Variants in LSAMP observed in about 807,000 individuals in gnomAD.
The protein encoded by LSAMP is limbic system-associated membrane protein.
LSAMP carries 7 observed loss-of-function variants against 38.6 expected under a neutral mutation model. The ratio of observed to expected loss-of-function variants is 0.18; its 90% CI spans 0.10 to 0.34. LSAMP has a LOEUF of 0.34. Ranked by LOEUF, LSAMP falls within the 10% of genes least tolerant of loss-of-function variation. The pLI, the probability that LSAMP is intolerant of heterozygous loss-of-function variation, is 1.00. For synonymous variants in LSAMP, 154 were observed against 166.8 expected (o/e 0.92, Z 0.59); for missense variants, 313 against 420.0 (o/e 0.75, Z 2.23).
chr3:116,213,863 A>T (rs890251561), intron 1 of LSAMP, among the ~76,000 whole-genome samples: 3 of 152,208 alleles, frequency 2.0e-5, no homozygotes, highest in Non-Finnish European at 2.9e-5. Context: ...TCAAATTTAA[A>T]GAATCTGAAA....
intron 3 of LSAMP, among the ~76,000 whole-genome samples, chr3:115,854,879 C>T (rs1935458007): frequency 6.6e-6 from 1 of 152,070 alleles, no homozygotes; most frequent in Admixed American, 6.5e-5. Context: ...ACCTAGAATG[C>T]AGAGGTAGAA....
chr3:116,247,481 AT>A (rs1289690356), intron 1 of LSAMP, among the ~76,000 whole-genome samples: 5 of 152,244 alleles, frequency 3.3e-5, no homozygotes, highest in African/African-American at 9.6e-5. Context: ...GTCAAGAGGC[AT>A]TTTTGCCTAC....
At chr3:116,174,969 G>C (rs16824495) in intron 1 of LSAMP, among the ~76,000 whole-genome samples, 29,528 of 151,882 alleles carry the variant, frequency 0.19, 2,935 homozygotes, top group Admixed American at 0.24. Flanking sequence ...GGCTTATGCC[G>C]ACTTCTCCAC....
At chr3:116,095,740 A>G (rs1274333307) in intron 1 of LSAMP, among the ~76,000 whole-genome samples, 1 of 152,212 alleles carries the variant, frequency 6.6e-6, no homozygotes, top group African/African-American at 2.4e-5. Context: ...TAGTGATTGG[A>G]AAGAGCTCTT....
chr3:116,350,295 T>TGC (rs1428075885), intron 1 of LSAMP, among the ~76,000 whole-genome samples: 23 of 152,224 alleles, frequency 1.5e-4, no homozygotes, highest in African/African-American at 5.5e-4. Flanking sequence ...GAGGTACAAC[T>TGC]ATTGGTTAAG....
chr3:116,340,371 C>A (rs2047975693), intron 1 of LSAMP, among the ~76,000 whole-genome samples: 1 of 151,856 alleles, frequency 6.6e-6, no homozygotes, highest in Non-Finnish European at 1.5e-5. Context: ...AACTAAATAA[C>A]AAAGATCTCT....
At chr3:116,113,363 G>C (rs4831230) in intron 1 of LSAMP, among the ~76,000 whole-genome samples, 1 of 143,924 alleles carries the variant, frequency 6.9e-6, no homozygotes, top group Non-Finnish European at 1.5e-5. Context: ...AATGATGTTC[G>C]GTAGAGAAGT....
intron 1 of LSAMP, among the ~76,000 whole-genome samples, chr3:116,090,129 C>T (rs1708086274): frequency 6.7e-6 from 1 of 149,612 alleles, no homozygotes; most frequent in Non-Finnish European, 1.5e-5. Context: ...GCAGGAAAAT[C>T]ACTTGAACTC....
intron 3 of LSAMP, among the ~76,000 whole-genome samples, chr3:115,939,684 A>G (rs1257193147): frequency 1.3e-5 from 2 of 151,874 alleles, no homozygotes; most frequent in Non-Finnish European, 2.9e-5. Context: ...CCTCCCAAGT[A>G]TCTGAAACTA....
chr3:116,427,613 G>A (rs1163597959), intron 1 of LSAMP, among the ~76,000 whole-genome samples: 1 of 152,030 alleles, frequency 6.6e-6, no homozygotes, highest in Non-Finnish European at 1.5e-5. Flanking sequence ...TTTACAGTGT[G>A]AAGTCTTTCT....
chr3:116,096,868 A>C (rs1708236784), intron 1 of LSAMP, among the ~76,000 whole-genome samples: 1 of 152,222 alleles, frequency 6.6e-6, no homozygotes, highest in East Asian at 1.9e-4. Context: ...TTATACGCTC[A>C]CTAAACTAGC....
intron 1 of LSAMP, among the ~76,000 whole-genome samples, chr3:116,139,190 T>G (rs1381927049): frequency 6.6e-6 from 1 of 151,870 alleles, no homozygotes; most frequent in Non-Finnish European, 1.5e-5. Flanking sequence ...CAAAGAAAGT[T>G]GTAGTATCCT....
intron 3 of LSAMP, among the ~76,000 whole-genome samples, chr3:115,906,378 TGCTTTGGACA>T (rs1400159631): frequency 6.6e-6 from 1 of 152,184 alleles, no homozygotes; most frequent in East Asian, 1.9e-4. Flanking sequence ...AAAATAATAC[TGCTTTGGACA>T]GCAAATGACT....
intron 4 of LSAMP, among the ~76,000 whole-genome samples, chr3:115,850,810 C>T (rs891097986): frequency 3.3e-5 from 5 of 152,162 alleles, no homozygotes; most frequent in Admixed American, 1.3e-4. Context: ...TGGAGAAGGT[C>T]ACAGGTAATG....
chr3:116,437,877 T>C (rs2049376581), intron 1 of LSAMP, among the ~76,000 whole-genome samples: 1 of 152,142 alleles, frequency 6.6e-6, no homozygotes, highest in Non-Finnish European at 1.5e-5. Context: ...AACTAAATTT[T>C]TCTCTTCTCA....
chr3:116,393,470 G>A (rs1020051316), intron 1 of LSAMP, among the ~76,000 whole-genome samples: 11 of 152,134 alleles, frequency 7.2e-5, no homozygotes, highest in African/African-American at 1.9e-4. Flanking sequence ...TGGACCCCAC[G>A]CTTGCTCACA....
chr3:116,235,271 T>C (rs909913063), intron 1 of LSAMP, among the ~76,000 whole-genome samples: 1 of 152,078 alleles, frequency 6.6e-6, no homozygotes, highest in African/African-American at 2.4e-5. Flanking sequence ...CATGATACTA[T>C]GCCCAGCTAA....
At chr3:115,944,234 C>A (rs938761088) in intron 3 of LSAMP, among the ~76,000 whole-genome samples, 16 of 152,122 alleles carry the variant, frequency 1.1e-4, no homozygotes, top group Admixed American at 9.8e-4. Flanking sequence ...AGATGAAGGT[C>A]TGAAAGTGAG....
chr3:116,220,640 C>G (rs1405988824), intron 1 of LSAMP, among the ~76,000 whole-genome samples: 9 of 152,130 alleles, frequency 5.9e-5, no homozygotes, highest in Non-Finnish European at 1.3e-4. Flanking sequence ...ATGGAGCAAT[C>G]ATTACGGATT....
Sources: gnomAD v4.1 joint callset for allele counts (sites outside exome capture counted in the v4.1 genomes callset) on GRCh38, gnomAD v4.1.1 for gene constraint, MANE v1.5 for transcripts, NCBI Gene and HGNC (gene_info 2026-07-23, HGNC 2026-07-21) for gene names.